The following SKAP1 variants were observed in gnomAD, a reference collection of about 807,000 sequenced individuals.
The protein encoded by SKAP1 is src kinase associated phosphoprotein 1.
Under a neutral mutation model 58.5 loss-of-function variants are expected in SKAP1, and 44 were observed. That is an observed-to-expected ratio of 0.75 (90% CI 0.59 to 0.97). SKAP1 has a LOEUF of 0.97. SKAP1 is among the 50% of genes least tolerant of loss of function. The pLI, the probability that SKAP1 is intolerant of heterozygous loss-of-function variation, is 0.00. For missense variants in SKAP1, 390 were observed against 435.2 expected, an observed-to-expected ratio of 0.90 and a Z score of 0.92; for synonymous variants, 127 against 149.7, an observed-to-expected ratio of 0.85 and a Z score of 1.11.
At chr17:48,425,199 G>C (rs1276639992) in intron 1 of SKAP1, among the ~76,000 whole-genome samples, 1 of 152,070 alleles carries the variant, frequency 6.6e-6, no homozygotes, top group African/African-American at 2.4e-5. Context: ...CGGGGGTTGT[G>C]GTGAGCCAAG....
intron 3 of SKAP1, among the ~76,000 whole-genome samples, chr17:48,361,064 TTGTACTGTAC>T (rs1209984300): frequency 2.3e-5 from 3 of 128,710 alleles, no homozygotes; most frequent in Non-Finnish European, 4.9e-5. Context: ...GTTGCACAAC[TTGTACTGTAC>T]TATACTATAC....
chr17:48,383,988 A>C (rs1257910847), intron 2 of SKAP1, among the ~76,000 whole-genome samples: 1 of 152,106 alleles, frequency 6.6e-6, no homozygotes, highest in Non-Finnish European at 1.5e-5. Context: ...AGCCTCTCAA[A>C]GTGCTGCGAT....
chr17:48,309,930 G>A (rs1279671490), intron 4 of SKAP1, among the ~76,000 whole-genome samples: 1 of 152,180 alleles, frequency 6.6e-6, no homozygotes, highest in East Asian at 1.9e-4. Flanking sequence ...AATAAGGGAA[G>A]GTGGAAAGGA....
At chr17:48,402,477 A>G (rs1346486708) in intron 1 of SKAP1, among the ~76,000 whole-genome samples, 1 of 152,072 alleles carries the variant, frequency 6.6e-6, no homozygotes, top group African/African-American at 2.4e-5. Context: ...TTACAGGTGC[A>G]TGCCACCATG....
chr17:48,248,068 A>C (rs1286918518), intron 4 of SKAP1, among the ~76,000 whole-genome samples: 1 of 152,194 alleles, frequency 6.6e-6, no homozygotes, highest in Non-Finnish European at 1.5e-5. Flanking sequence ...AATGATCAAC[A>C]ACACTATTTC....
chr17:48,324,105 T>C (rs373722397), intron 4 of SKAP1, among the ~76,000 whole-genome samples: 2 of 152,114 alleles, frequency 1.3e-5, no homozygotes, highest in African/African-American at 2.4e-5. Context: ...ACAGCAAACT[T>C]AGAAAATATA....
chr17:48,426,245 T>C (rs540982773), intron 1 of SKAP1, among the ~76,000 whole-genome samples: 2 of 152,340 alleles, frequency 1.3e-5, no homozygotes, highest in East Asian at 3.9e-4. Context: ...TAAATAACTA[T>C]AGGCATATCA....
intron 4 of SKAP1, among the ~76,000 whole-genome samples, chr17:48,312,591 T>C (rs9894812): frequency 0.34 from 51,353 of 152,106 alleles, 9,451 homozygotes; most frequent in African/African-American, 0.48. Flanking sequence ...CAAGAGCTTA[T>C]GGTCAACCTT....
At chr17:48,192,410 T>A (rs577839161) in intron 4 of SKAP1, among the ~76,000 whole-genome samples, 1 of 152,274 alleles carries the variant, frequency 6.6e-6, no homozygotes, top group South Asian at 2.1e-4. Context: ...CAAACCTCCT[T>A]TTTTTAATGC....
At chr17:48,442,234 A>C in the SKAP1 span, among the ~76,000 whole-genome samples, 1 of 152,190 alleles carries the variant, frequency 6.6e-6, no homozygotes, top group Non-Finnish European at 1.5e-5. Flanking sequence ...TGTCAATTAC[A>C]TAACAGCTCC....
chr17:48,266,924 T>C lies in SKAP1; in HGVS notation c.281-77424A>G, dbSNP rs530979992. Among the ~76,000 whole-genome samples, 157 of 152,328 alleles carry C rather than the reference T, an allele frequency of 1.0e-3. 6 individuals carry two copies. The South Asian group carries it at 0.031, about 30-fold the overall frequency. ...TGAATGAAGTGGAAATGTCCAAATA[T>C]ACACGAATTTTCTTTCTTTCTGTGA... On this transcript the variant is annotated intron_variant, in intron 4 of 12. Transcript: ENST00000336915.
chr17:48,189,378 C>T (rs773067701), intron 5 of SKAP1, 45 bp downstream of exon 5: 3 of 1,505,562 alleles, frequency 2.0e-6, no homozygotes, highest in African/African-American at 1.4e-5. Flanking sequence ...CCTCACTTCC[C>T]TTCCCTTCCT....
At chr17:48,376,139 GT>G (rs1257030854) in intron 2 of SKAP1, among the ~76,000 whole-genome samples, 3 of 152,142 alleles carry the variant, frequency 2.0e-5, no homozygotes, top group Admixed American at 2.0e-4. Flanking sequence ...ACCTAATTTT[GT>G]TTTATTTTTT....
At chr17:48,275,055 C>A (rs1250111278) in intron 4 of SKAP1, among the ~76,000 whole-genome samples, 1 of 152,162 alleles carries the variant, frequency 6.6e-6, no homozygotes, top group Non-Finnish European at 1.5e-5. Flanking sequence ...AGAAAAGACT[C>A]AATTTTCTCT....
At chr17:48,323,221 G>T (rs1323010675) in intron 4 of SKAP1, among the ~76,000 whole-genome samples, 1 of 146,154 alleles carries the variant, frequency 6.8e-6, no homozygotes, top group Non-Finnish European at 1.5e-5. Context: ...AAAAAAAAAA[G>T]CAAGAGAAAA....
intron 4 of SKAP1, among the ~76,000 whole-genome samples, chr17:48,225,751 C>T (rs1332540740): frequency 6.6e-6 from 1 of 152,138 alleles, no homozygotes; most frequent in Admixed American, 6.5e-5. Flanking sequence ...AATACTGAAA[C>T]CAGCAGGTCC....
At chr17:48,411,373 T>C (rs2067663106) in intron 1 of SKAP1, among the ~76,000 whole-genome samples, 1 of 150,900 alleles carries the variant, frequency 6.6e-6, no homozygotes, top group Admixed American at 6.6e-5. Flanking sequence ...CACACCAGCC[T>C]GGGTGGTAGA....
chr17:48,424,517 G>A (rs1349442770), intron 1 of SKAP1, among the ~76,000 whole-genome samples: 6 of 150,532 alleles, frequency 4.0e-5, no homozygotes, highest in Non-Finnish European at 8.9e-5. Flanking sequence ...GAGCCACCGC[G>A]CCCGGCCCTC....
chr17:48,350,072 TC>T lies in SKAP1; in HGVS notation c.179-4067del, dbSNP rs1238442692. 3.9e-5 allele frequency among the ~76,000 whole-genome samples: 6 copies of T among 152,246 alleles called. No individual in the cohort carries two copies. In the East Asian group the frequency reaches 1.2e-3, roughly 29 times the overall value. ...GGAGAAAAATGAACCATGATGATGT[TC>T]CCCTTGTAACTATTTTAGTTCACAG... On this transcript the variant is annotated intron_variant, in intron 3 of 12. Transcript: ENST00000336915.
Sources: allele counts gnomAD v4.1 joint callset (sites outside exome capture counted in the v4.1 genomes callset), GRCh38; gene constraint gnomAD v4.1.1; transcripts MANE v1.5; gene names NCBI Gene and HGNC (gene_info 2026-07-23, HGNC 2026-07-21).